Variants in XPO7 observed in about 807,000 individuals in gnomAD.
The protein encoded by XPO7 is exportin-7.
In XPO7, 21 loss-of-function variants were observed where a neutral mutation model predicts 144.3. The observed-to-expected ratio is 0.15, with a 90% CI of 0.10 to 0.21. The LOEUF (loss-of-function observed/expected upper bound fraction) is 0.21, where lower values mean the gene tolerates loss of function less well. Ranked by LOEUF, XPO7 falls within the 10% of genes least tolerant of loss-of-function variation. The pLI is 1.00. For synonymous variants in XPO7, 580 were observed against 499.6 expected, an observed-to-expected ratio of 1.16 and a Z score of -2.15; for missense variants, 808 against 1,325.8, an observed-to-expected ratio of 0.61 and a Z score of 6.06.
At chr8:21,930,250 T>C (rs1810599374) in intron 1 of XPO7, among the ~76,000 whole-genome samples, 1 of 152,228 alleles carries the variant, frequency 6.6e-6, no homozygotes, top group African/African-American at 2.4e-5. Context: ...TTTGGTGAGA[T>C]ACACACATCA....
chr8:21,921,780 G>C (rs933739624), intron 1 of XPO7, among the ~76,000 whole-genome samples: 18 of 152,172 alleles, frequency 1.2e-4, no homozygotes, highest in African/African-American at 3.9e-4. Flanking sequence ...CAATCTGTTG[G>C]TCTAAATTAG....
At chr8:21,976,294 C>A in intron 6 of XPO7, 62 bp from the exon 7 acceptor site, 1 of 1,572,086 alleles carries the variant, frequency 6.4e-7, no homozygotes, top group Non-Finnish European at 8.7e-7. Context: ...TTTGTTGAGT[C>A]TGGGAGCAAG....
At chr8:21,996,571 TGATA>T (rs1195378241) in intron 21 of XPO7, among the ~76,000 whole-genome samples, 1 of 152,150 alleles carries the variant, frequency 6.6e-6, no homozygotes, top group Non-Finnish European at 1.5e-5. Context: ...GAGAAGGATA[TGATA>T]GATATTAGAA....
At chr8:21,937,295 T>G (rs1810852659) in intron 1 of XPO7, among the ~76,000 whole-genome samples, 3 of 152,222 alleles carry the variant, frequency 2.0e-5, no homozygotes. Flanking sequence ...AGTTCAGTCA[T>G]TAAACTGTTT....
At chr8:21,995,885 G>A (rs1374483098) in intron 21 of XPO7, among the ~76,000 whole-genome samples, 1 of 152,076 alleles carries the variant, frequency 6.6e-6, no homozygotes, top group Non-Finnish European at 1.5e-5. Flanking sequence ...CACAGTCTCG[G>A]CTCACTGCAA....
chr8:21,977,744 ATG>A (rs776670441), intron 7 of XPO7, 24 bp from the exon 8 acceptor site: 1 of 1,610,828 alleles, frequency 6.2e-7, no homozygotes, highest in South Asian at 1.1e-5. Flanking sequence ...TAATAAAGTG[ATG>A]TCTTTTGTCT....
chr8:21,988,868 T>C (rs1812663020), intron 15 of XPO7, 135 bp from the exon 16 acceptor site: 1 of 687,912 alleles, frequency 1.5e-6, no homozygotes. Context: ...TCTTTTTTTG[T>C]GGTCGTGATG....
At chr8:21,926,180 G>A (rs1278816817) in intron 1 of XPO7, among the ~76,000 whole-genome samples, 1 of 151,986 alleles carries the variant, frequency 6.6e-6, no homozygotes, top group Non-Finnish European at 1.5e-5. Context: ...TTTTCCTCTG[G>A]AAAACAATGT....
chr8:21,980,306 G>T (rs1424600603), intron 9 of XPO7, 103 bp downstream of exon 9: 4 of 1,351,656 alleles, frequency 3.0e-6, no homozygotes, highest in South Asian at 3.2e-5. Flanking sequence ...AATTCAGTCT[G>T]TTCTTCAGGG....
chr8:21,920,094 G>A (rs1810220896), intron 1 of XPO7, among the ~76,000 whole-genome samples: 1 of 151,922 alleles, frequency 6.6e-6, no homozygotes, highest in Admixed American at 6.5e-5. Context: ...CCCCGGGGGA[G>A]GCCTCCGTCA....
At chr8:21,926,001 T>G (rs747160321) in intron 1 of XPO7, among the ~76,000 whole-genome samples, 1 of 152,208 alleles carries the variant, frequency 6.6e-6, no homozygotes, top group Non-Finnish European at 1.5e-5. Flanking sequence ...GAAAGAGGTC[T>G]CTTAGTTGGA....
chr8:21,996,926 A>G (rs1266061595), intron 21 of XPO7, among the ~76,000 whole-genome samples: 4 of 152,234 alleles, frequency 2.6e-5, no homozygotes, highest in Admixed American at 2.6e-4. Flanking sequence ...CTCCTGCCTC[A>G]GCCTCCCACA....
At chr8:21,954,418 G>A (rs1257946574) in intron 1 of XPO7, among the ~76,000 whole-genome samples, 2 of 152,130 alleles carry the variant, frequency 1.3e-5, no homozygotes, top group Non-Finnish European at 2.9e-5. Flanking sequence ...GGCGGATCAC[G>A]AGGTCAGGAG....
In XPO7 at chr8:21,925,961, A is replaced by G. The variant is rs190754646; in HGVS notation, c.18+6173A>G. On this transcript the variant is annotated intron_variant, in intron 1 of 27. Transcript: ENST00000252512. ...TAGTCATCTGTAGCACTTCTCACAA[A>G]TTGAGCTCTCTTATGCCCCAAACAG... Among the ~76,000 whole-genome samples the G allele has an allele frequency of 2.9e-4, 44 of 152,282 alleles. 3 individuals are homozygous for G. The highest frequency in any genetic ancestry group is 2.0e-3 in the Admixed American group (31 of 15,296).
At chr8:21,972,976 T>C (rs1812115355) in intron 5 of XPO7, among the ~76,000 whole-genome samples, 2 of 152,234 alleles carry the variant, frequency 1.3e-5, no homozygotes, top group African/African-American at 4.8e-5. Flanking sequence ...GTGATTACTG[T>C]TACCACCATT....
chr8:21,982,374 A>G (rs998341515), intron 10 of XPO7, among the ~76,000 whole-genome samples: 5 of 152,182 alleles, frequency 3.3e-5, no homozygotes, highest in African/African-American at 1.2e-4. Flanking sequence ...TGTCATGCAT[A>G]CTAATGGTTG....
rs1205638095 is a variant in XPO7 at position 22,006,525 on chromosome 8, G to A, written c.*1437G>A. On this transcript the variant is annotated 3_prime_UTR_variant, in exon 28 of 28. Coordinates refer to ENST00000252512, the MANE Select transcript of XPO7 (RefSeq NM_015024.5). ...TCAGGTTGCGGATAGACTTGTAAGGGTGTTTGCTGCATACAGTGTAAGCAT... is the reference window on the plus strand; with the variant it reads ...TCAGGTTGCGGATAGACTTGTAAGGATGTTTGCTGCATACAGTGTAAGCAT... 2 of 152,164 alleles carry A rather than the reference G, an allele frequency of 1.3e-5. No individual in the cohort carries two copies. The highest frequency in any genetic ancestry group is 2.1e-4 in the South Asian group (1 of 4,834). The allele number at this position is 152,164 out of a possible 1,614,324, so 9.4% of individuals were successfully genotyped here. A position where few individuals can be genotyped will look rare whatever the true frequency, so the allele number is the denominator to read the frequency against.
rs148139592 is a variant in XPO7 at position 21,960,657 on chromosome 8, T to C, written c.19-6200T>C. ...TGCACGCCAGGCTCTGGCATAGCATTATCACTTGCTGAAAATAAGTATTTT... is the reference window on the plus strand; with the variant it reads ...TGCACGCCAGGCTCTGGCATAGCATCATCACTTGCTGAAAATAAGTATTTT... On this transcript the variant is annotated intron_variant, in intron 1 of 27. Transcript: ENST00000252512. Among the ~76,000 whole-genome samples, 782 of 152,370 alleles carry C rather than the reference T, an allele frequency of 5.1e-3. 8 individuals are homozygous for C. Among genetic ancestry groups the C allele is most frequent in the Non-Finnish European group, 8.7e-3 (593 of 68,040 alleles).
At position 21,981,874 on chromosome 8, in the gene XPO7, A is replaced by G. The variant is rs544641583; in HGVS notation, c.1101A>G (p.Leu367=). The change falls in exon 10 of 28, where the codon CTA becomes CTG. Residue 367 remains leucine, a synonymous_variant. Coordinates refer to ENST00000252512, the MANE Select transcript of XPO7 (RefSeq NM_015024.5). ...RLIANFTVTS[L]QHWEFAPNSV... ...TAGCCAACTTCACAGTGACCAGCCT[A>G]CAGGTTTGTCTTTGATTACTTGTGT... 1.4e-5 allele frequency: 22 copies of G among 1,613,462 alleles called. 1 individual carries two copies. The East Asian group carries it at 4.7e-4, about 34-fold the overall frequency.
Sources: allele counts gnomAD v4.1 joint callset (sites outside exome capture counted in the v4.1 genomes callset), GRCh38; gene constraint gnomAD v4.1.1; transcripts MANE v1.5; gene names NCBI Gene and HGNC (gene_info 2026-07-23, HGNC 2026-07-21).